The following HELZ2 variants were observed in gnomAD, a reference collection of about 807,000 sequenced individuals.
HELZ2 encodes the protein helicase with zinc finger 2, also known as 3'-5' exoribonuclease HELZ2.
A neutral mutation model predicts 208.8 loss-of-function variants in HELZ2; 143 were observed. The ratio of observed to expected loss-of-function variants is 0.68; its 90% confidence interval spans 0.60 to 0.79. The LOEUF (loss-of-function observed/expected upper bound fraction) is 0.79, where lower values mean the gene tolerates loss of function less well. Among genes scored for constraint, HELZ2 ranks in the 30% least tolerant of loss-of-function variants. The pLI, the probability that HELZ2 is intolerant of heterozygous loss-of-function variation, is 0.00. For synonymous variants in HELZ2, 1,705 were observed against 1,693.7 expected (o/e 1.01, Z -0.16); for missense variants, 3,690 against 3,794.5 (o/e 0.97, Z 0.72).
chr20:63,569,285 C>T, exon 4 of HELZ2: 1 of 1,576,138 alleles, frequency 6.3e-7, no homozygotes, highest in Non-Finnish European at 8.6e-7. Context: ...GGCCCTTGTA[C>T]TTGGCCATCA....
rs760265936 is a variant in HELZ2, at chr20:63,567,259, G to A, written c.2099C>T (p.Thr700Ile). 2.5e-6 allele frequency: 4 copies of A among 1,608,762 alleles called. No individual in the cohort carries two copies. The Admixed American group carries it at 5.0e-5, about 20-fold the overall frequency. ...CCTGGCCACACTGAACAGCCGGGGT[G>A]TGACCTGCATGTGGTCGCCCGCCAG... is the stretch of plus-strand genomic sequence containing the variant. The change falls in exon 6 of 19, where the codon ACA becomes ATA. Residue 700 changes from threonine to isoleucine, a missense_variant. Physicochemically the swap from Thr to Ile is moderately conservative, Grantham distance 89. Transcript: ENST00000467148.
intron 15 of HELZ2, 43 bp downstream of exon 16, chr20:63,560,752 C>T: frequency 6.2e-7 from 1 of 1,604,942 alleles, no homozygotes; most frequent in Non-Finnish European, 8.5e-7. Context: ...TGTGGCCCCC[C>T]AGGGGCTGCA....
chr20:63,570,587 G>T, exon 3 of HELZ2: 1 of 1,612,506 alleles, frequency 6.2e-7, no homozygotes, highest in Non-Finnish European at 8.5e-7. Context: ...CAGGTGACAC[G>T]CACTCCATCA....
chr20:63,560,374 G>T (rs749025416), intron 16 of HELZ2, 47 bp from the exon 18 acceptor site: 1 of 1,487,828 alleles, frequency 6.7e-7, no homozygotes, highest in Non-Finnish European at 8.8e-7. Flanking sequence ...TGTCTCTCCT[G>T]CCCTCCTCCA....
At position 63,567,171 on chromosome 20, in the gene HELZ2, G is replaced by A. The variant is rs780288859; in HGVS notation, c.2187C>T (p.His729=). The change falls in exon 6 of 19, where the codon CAC becomes CAT. Residue 729 remains histidine (H), a synonymous_variant. Transcript: ENST00000467148. ...CCAGGCGGCTCTGCCGCGCCACCTC[G>A]TGAGTCTCCTGCTGGTAGCACAGGA... 45 of 1,609,234 alleles carry A rather than the reference G, an allele frequency of 2.8e-5. No individual in the cohort carries two copies. Among genetic ancestry groups the A allele is most frequent in the African/African-American group, 8.0e-5 (6 of 74,950 alleles).
intron 1 of HELZ2, 26 bp downstream of exon 2, chr20:63,572,082 C>T: frequency 6.3e-7 from 1 of 1,583,368 alleles, no homozygotes. Flanking sequence ...TGCCCTACTC[C>T]AAGCTCCTGC....
chr20:63,559,175 G>GT, downstream of HELZ2: 2 of 1,433,336 alleles, frequency 1.4e-6, no homozygotes, highest in Non-Finnish European at 9.3e-7. Flanking sequence ...ATGGCGGAGG[G>GT]TGGTGGGGAG....
chr20:63,565,867 G>C (rs139574216), exon 8 of HELZ2: 185 of 1,597,526 alleles, frequency 1.2e-4, no homozygotes, highest in Non-Finnish European at 1.5e-4. Flanking sequence ...CCTGCTCCTC[G>C]GCCAGGTCCC....
exon 8 of HELZ2, chr20:63,564,656 G>A (rs1203321938): frequency 1.3e-5 from 21 of 1,572,764 alleles, no homozygotes; most frequent in Admixed American, 3.7e-5. Context: ...CTGCCTTCGC[G>A]CCTCCACGTC....
chr20:63,567,479 GGTC>G, exon 6 of HELZ2: 1 of 1,555,888 alleles, frequency 6.4e-7, no homozygotes, highest in Non-Finnish European at 8.7e-7. Context: ...AAAGCCTGGC[GGTC>G]GTCGGTCAGG....
intron 5 of HELZ2, 111 bp from the exon 7 acceptor site, chr20:63,567,738 G>T (rs1442405414): frequency 1.4e-6 from 2 of 1,475,108 alleles, no homozygotes; most frequent in Admixed American, 2.2e-5. Flanking sequence ...CCCTTGTCTG[G>T]CTGTCAGAGG....
Position 63,560,085 on chromosome 20 carries a change from C to CCA in HELZ2, c.7666_7667dup (p.Trp2556CysfsTer7). 1 of 1,598,710 alleles carries CCA rather than the reference C, an allele frequency of 6.3e-7. No individual in the cohort carries two copies. The highest frequency in any genetic ancestry group is 8.5e-7 in the Non-Finnish European group (1 of 1,175,974). The stretch of plus-strand genomic sequence containing the variant: ...GGACGGTGCTCACCAGCACATAGCG[C>CCA]CACTCGCTCCCTGCGGGATGGGAGG... On this transcript the variant is annotated frameshift_variant, in exon 18 of 19. Coordinates refer to ENST00000467148, the Ensembl canonical transcript of HELZ2. LOFTEE classifies it high-confidence loss of function.
rs546498981 is a variant in HELZ2, at chr20:63,571,001, C to A, written c.279-133G>T. On this transcript the variant is annotated intron_variant, in intron 1 of 18. Coordinates refer to ENST00000467148, the Ensembl canonical transcript of HELZ2. ...TTTATTCGTCCCACCCACTCCTGTG[C>A]TCCCGGGACAAGGCCTGGCTCAAGC... The A allele has an allele frequency of 1.2e-5, 8 of 693,286 alleles. 1 individual carries two copies. Among genetic ancestry groups the A allele is most frequent in the East Asian group, 1.1e-4 (4 of 36,210 alleles). The allele number at this position is 693,286 out of a possible 1,614,324, so 42.9% of individuals were successfully genotyped here. A position where few individuals can be genotyped will look rare whatever the true frequency, so the allele number is the denominator to read the frequency against.
At chr20:63,565,724 T>C in exon 8 of HELZ2, 4 of 1,605,610 alleles carry the variant, frequency 2.5e-6, no homozygotes, top group Non-Finnish European at 3.4e-6. Flanking sequence ...GGGCACCACG[T>C]CTTCCTTCAC....
At chr20:63,572,459 C>CCT, upstream of HELZ2, 1 of 1,413,582 alleles carries the variant, frequency 7.1e-7, no homozygotes, top group Non-Finnish European at 9.3e-7. Context: ...CACAAACCTG[C>CCT]AGTAGGCAGG....
chr20:63,563,063 C>T (rs1477547030), exon 8 of HELZ2: 1 of 1,598,746 alleles, frequency 6.3e-7, no homozygotes, highest in Admixed American at 1.7e-5. Flanking sequence ...GAAGCAGTCT[C>T]CGGGCCGCTC....
exon 4 of HELZ2, chr20:63,569,569 C>G: frequency 6.3e-7 from 1 of 1,595,514 alleles, no homozygotes; most frequent in Non-Finnish European, 8.5e-7. Flanking sequence ...AAGCGCTCAC[C>G]CCGTGCGTAG....
At chr20:63,560,771 G>A (rs1259615925) in intron 15 of HELZ2, 24 bp downstream of exon 16, 1 of 1,606,724 alleles carries the variant, frequency 6.2e-7, no homozygotes, top group South Asian at 1.1e-5. Context: ...CAGGTGGGCT[G>A]GGGGCTGAGT....
rs1467330063 is a variant in HELZ2, at chr20:63,567,352, G to A, written c.2006C>T (p.Ala669Val). Residue 669 changes from alanine (A) to valine (V), a missense_variant, in exon 6 of 19, where the codon GCG becomes GTG. Ala to Val is a moderately conservative substitution (Grantham distance 64). Coordinates refer to ENST00000467148, the Ensembl canonical transcript of HELZ2. ...GGCCTCGCACTCCAGCATCTGGGCC[G>A]CCTCATCGATGAGAATGTGGGAGAA... 8 of 1,603,946 alleles carry A rather than the reference G, an allele frequency of 5.0e-6. 1 individual carries two copies. The South Asian group carries it at 5.6e-5, about 11-fold the overall frequency.
Sources: allele counts gnomAD v4.1 joint callset, GRCh38; gene constraint gnomAD v4.1.1; transcripts MANE v1.5; gene names NCBI Gene and HGNC (gene_info 2026-07-23, HGNC 2026-07-21).